Variants in RBM28 observed in about 807,000 individuals in gnomAD.
RBM28 encodes RNA-binding protein 28.
Under a neutral mutation model 98.3 loss-of-function variants are expected in RBM28, and 78 were observed. That is an observed-to-expected ratio of 0.79 (90% confidence interval 0.66 to 0.96). The LOEUF is 0.96. RBM28 is among the 40% of genes least tolerant of loss of function. The probability of loss-of-function intolerance (pLI) is 0.00; values close to 1 mark genes in which losing one functional copy is unlikely to be tolerated. For synonymous variants in RBM28, 306 were observed against 330.9 expected (o/e 0.92, Z 0.82); for missense variants, 838 against 913.0 (o/e 0.92, Z 1.06).
chr7:128,314,241 C>T (rs768059170), intron 17 of RBM28, among the ~76,000 whole-genome samples: 10 of 152,192 alleles, frequency 6.6e-5, no homozygotes, highest in Non-Finnish European at 1.0e-4. Flanking sequence ...GGATTACAGG[C>T]GTGAGCCACC....
intron 13 of RBM28, 116 bp downstream of exon 13, chr7:128,323,411 A>T: frequency 8.5e-7 from 1 of 1,173,166 alleles, no homozygotes; most frequent in Non-Finnish European, 1.3e-6. Flanking sequence ...ACAGGGCAAT[A>T]AGTATGGTCT....
chr7:128,329,706 A>G (rs921266235), intron 10 of RBM28, among the ~76,000 whole-genome samples: 3 of 152,198 alleles, frequency 2.0e-5, no homozygotes, highest in South Asian at 4.1e-4. Context: ...TAACACGGTG[A>G]AGCCCCAACT....
intron 8 of RBM28, among the ~76,000 whole-genome samples, chr7:128,334,014 C>G (rs1796542492): frequency 6.6e-6 from 1 of 152,184 alleles, no homozygotes; most frequent in African/African-American, 2.4e-5. Context: ...ATAAAATACA[C>G]TACATTTTGA....
chr7:128,339,691 G>C lies in RBM28; in HGVS notation c.219C>G (p.Ile73Met), dbSNP rs1796680412. Residue 73 changes from isoleucine (I) to methionine (M), a missense_variant, in exon 2 of 19, where the codon ATC becomes ATG. By Grantham distance (10) the Ile-to-Met change is conservative. Transcript: ENST00000223073. ...GTTTTTTCTTGGCAACAGTCACGTT[G>C]ATCTTGCAACCTTCAAAGGTGGTAA... ...KEITTFEGCK[I>M]NVTVAKKKLR... The C allele has an allele frequency of 6.2e-7, 1 of 1,613,932 alleles. No homozygotes were observed. The highest frequency in any genetic ancestry group is 8.5e-7 in the Non-Finnish European group (1 of 1,179,932).
rs1795828162 is a variant in RBM28, at chr7:128,304,608, G to C, written c.*6189C>G. 6.6e-6 allele frequency: 1 copy of C among 152,404 alleles called. No individual in the cohort carries two copies. 9.4% of individuals were successfully genotyped at this position (152,404 alleles called of 1,614,324 possible). A position where few individuals can be genotyped will look rare whatever the true frequency, so the allele number is the denominator to read the frequency against. On this transcript the variant is annotated 3_prime_UTR_variant, in exon 19 of 19. Transcript: ENST00000223073. The stretch of plus-strand genomic sequence containing the variant: ...GTTTTCCATCTTGCTGGTTTGGTGA[G>C]GGAGGCTGCTTTCAGATTTCAAGTG...
rs1355116322 is a variant in RBM28 at position 128,305,209 on chromosome 7, CT to C, written c.*5587del. On this transcript the variant is annotated 3_prime_UTR_variant, in exon 19 of 19. Coordinates refer to ENST00000223073, the MANE Select transcript of RBM28 (RefSeq NM_018077.3). ...GTTCTGCATCAATCCTGTTGTCTCACTGTAAATAGCATAAGAACAATGTTCT... is the reference window on the plus strand; with the variant it reads ...GTTCTGCATCAATCCTGTTGTCTCACGTAAATAGCATAAGAACAATGTTCT... The C allele has an allele frequency of 6.6e-6, 1 of 151,294 alleles. No homozygotes were observed. Among genetic ancestry groups the C allele is most frequent in the Non-Finnish European group, 1.5e-5 (1 of 67,874 alleles). The allele number at this position is 151,294 out of a possible 1,614,324, so 9.4% of individuals were successfully genotyped here.
At chr7:128,315,929 G>C (rs189233866) in intron 16 of RBM28, among the ~76,000 whole-genome samples, 16 of 152,334 alleles carry the variant, frequency 1.1e-4, no homozygotes, top group African/African-American at 3.4e-4. Context: ...TGGAATAAAT[G>C]AAGTAAAGAC....
rs529671968 is a variant in RBM28 at position 128,329,163 on chromosome 7, G to A, written c.1129+1656C>T. On this transcript the variant is annotated intron_variant, in intron 10 of 18. Transcript: ENST00000223073. Reference sequence around the variant, plus strand: ...TGCCCAGGCTAGAGTGCAGTGGCACGATCTCGGCTCACCACAACCTCCCCC... The same window carrying A: ...TGCCCAGGCTAGAGTGCAGTGGCACAATCTCGGCTCACCACAACCTCCCCC... Among the ~76,000 whole-genome samples the A allele has an allele frequency of 1.4e-4, 22 of 152,100 alleles. No individual in the cohort carries two copies. In the South Asian group the frequency reaches 2.9e-3, roughly 20 times the overall value.
intron 17 of RBM28, 114 bp downstream of exon 17, chr7:128,314,650 G>A: frequency 2.6e-6 from 4 of 1,525,402 alleles, no homozygotes; most frequent in Non-Finnish European, 2.7e-6. Context: ...GGAATACATA[G>A]CACCAAACAT....
At chr7:128,341,590 T>C (rs1290263980) in intron 1 of RBM28, among the ~76,000 whole-genome samples, 3 of 152,208 alleles carry the variant, frequency 2.0e-5, no homozygotes, top group Admixed American at 1.3e-4. Context: ...ATATCAGCTG[T>C]CTGGATAGGA....
Position 128,321,405 on chromosome 7 carries a change from T to C in RBM28, c.1424A>G (p.Gln475Arg). 6.2e-7 allele frequency: 1 copy of C among 1,614,206 alleles called. No homozygotes were observed. The highest frequency in any genetic ancestry group is 8.5e-7 in the Non-Finnish European group (1 of 1,180,026). The change falls in exon 14 of 19, where the codon CAG (glutamine) becomes CGG (arginine). Residue 475 changes from glutamine (Q) to arginine (R), a missense_variant. By Grantham distance (43) the Gln-to-Arg change is conservative. Transcript: ENST00000223073. ...KRERFELLKH[Q>R]KLKDQNIFVS... Reference sequence around the variant, plus strand: ...AAAGATATTCTGGTCCTTGAGTTTCTGATGCTTCAGCAGCTCAAACTGAAA... The same window carrying C: ...AAAGATATTCTGGTCCTTGAGTTTCCGATGCTTCAGCAGCTCAAACTGAAA...
chr7:128,321,975 G>T (rs1008607688), intron 13 of RBM28, among the ~76,000 whole-genome samples: 2 of 151,606 alleles, frequency 1.3e-5, no homozygotes, highest in African/African-American at 4.9e-5. Flanking sequence ...TTGAACCTGG[G>T]AGCCGGAGGT....
At chr7:128,317,543 A>C in intron 16 of RBM28, 116 bp downstream of exon 16, 1 of 780,088 alleles carries the variant, frequency 1.3e-6, no homozygotes, top group Non-Finnish European at 2.2e-6. Flanking sequence ...AGTAAAGGGA[A>C]CTAGGAGCAA....
chr7:128,301,455 CA>C lies in RBM28; in HGVS notation c.*9341del, dbSNP rs1795780903. ...TCTCTTGCCTGTCCGTCAGCACTGA[CA>C]GGGGCAACACCTGGCCTGGCACAAG... On this transcript the variant is annotated 3_prime_UTR_variant, in exon 19 of 19. Transcript: ENST00000223073. The C allele has an allele frequency of 6.6e-6, 1 of 152,368 alleles. No individual in the cohort carries two copies. The highest frequency in any genetic ancestry group is 2.1e-4 in the South Asian group (1 of 4,836). The allele number at this position is 152,368 out of a possible 1,614,324, so 9.4% of individuals were successfully genotyped here.
chr7:128,325,451 A>G (rs946278745), intron 11 of RBM28, among the ~76,000 whole-genome samples: 1 of 152,186 alleles, frequency 6.6e-6, no homozygotes, highest in Admixed American at 6.5e-5. Context: ...TCCATCACCC[A>G]CACACATTCT....
chr7:128,312,300 C>T (rs1236927908), intron 18 of RBM28, among the ~76,000 whole-genome samples: 1 of 152,120 alleles, frequency 6.6e-6, no homozygotes, highest in Non-Finnish European at 1.5e-5. Context: ...GCCTGTAATT[C>T]CAGCTACTCG....
chr7:128,331,097 C>T (rs1314707725), intron 9 of RBM28, among the ~76,000 whole-genome samples, 169 bp from the exon 10 acceptor site: 1 of 152,194 alleles, frequency 6.6e-6, no homozygotes, highest in Non-Finnish European at 1.5e-5. Context: ...TTTCCTTTGT[C>T]AATGAGGTTC....
At chr7:128,333,012 T>C (rs1166338948) in intron 9 of RBM28, among the ~76,000 whole-genome samples, 1 of 152,228 alleles carries the variant, frequency 6.6e-6, no homozygotes, top group African/African-American at 2.4e-5. Flanking sequence ...GGAAGCAAGA[T>C]GTTTCTAACA....
chr7:128,329,903 AAAAAAAAAAAAAG>A (rs1796439309), intron 10 of RBM28, among the ~76,000 whole-genome samples: 2 of 110,904 alleles, frequency 1.8e-5, no homozygotes, highest in Non-Finnish European at 2.1e-5. Flanking sequence ...AAAAAAAAAA[AAAAAAAAAAAAAG>A]AACTTAGTGC....
Sources: allele counts gnomAD v4.1 joint callset (sites outside exome capture counted in the v4.1 genomes callset), GRCh38; gene constraint gnomAD v4.1.1; transcripts MANE v1.5; gene names NCBI Gene and HGNC (gene_info 2026-07-23, HGNC 2026-07-21).